RSPRY1: variants seen among roughly 807,000 people sequenced by gnomAD.
RSPRY1 encodes the protein RING finger and SPRY domain-containing protein 1.
Under a neutral mutation model 73.1 loss-of-function variants are expected in RSPRY1, and 23 were observed. The ratio of observed to expected loss-of-function variants is 0.31; its 90% CI spans 0.23 to 0.45. The LOEUF is 0.45. Ranked by LOEUF, RSPRY1 falls within the 20% of genes least tolerant of loss-of-function variation. The pLI is 1.00. For synonymous variants in RSPRY1, 226 were observed against 251.4 expected (o/e 0.90, Z 0.95); for missense variants, 448 against 698.7 (o/e 0.64, Z 4.05).
intron 4 of RSPRY1, among the ~76,000 whole-genome samples, chr16:57,211,849 G>C (rs1267341002): frequency 6.6e-6 from 1 of 151,944 alleles, no homozygotes; most frequent in African/African-American, 2.4e-5. Flanking sequence ...AAAGTGCTGG[G>C]ATTACAGGCA....
rs931573069 is a variant in RSPRY1, at chr16:57,204,435, T to C, written c.-155-69T>C. 1.0e-5 allele frequency: 5 copies of C among 498,620 alleles called. No homozygotes were observed. In the Admixed American group the frequency reaches 1.7e-4, roughly 17 times the overall value. The allele number at this position is 498,620 out of a possible 1,614,324, so 30.9% of individuals were successfully genotyped here. Reference sequence around the variant, plus strand: ...AATCCTAATATCTATAAAATCAGACTAGGAAAATTTGAGTAATTAAGTGGT... The same window carrying C: ...AATCCTAATATCTATAAAATCAGACCAGGAAAATTTGAGTAATTAAGTGGT... On this transcript the variant is annotated intron_variant, in intron 1 of 14. Transcript: ENST00000394420.
At position 57,235,530 on chromosome 16, in the gene RSPRY1, T is replaced by C. The variant is rs1193681967; in HGVS notation, c.1634+302T>C. 2.0e-5 allele frequency among the ~76,000 whole-genome samples: 3 copies of C among 152,236 alleles called. No homozygotes were observed. In the East Asian group the frequency reaches 5.8e-4, roughly 29 times the overall value. On this transcript the variant is annotated intron_variant, in intron 14 of 14. Coordinates refer to ENST00000394420, the MANE Select transcript of RSPRY1 (RefSeq NM_133368.3). Reference sequence around the variant, plus strand: ...TTAGAGCTTCCTCATTTACTTCTTATTTACAGTCAACCATTGAGAAGTTAG... The same window carrying C: ...TTAGAGCTTCCTCATTTACTTCTTACTTACAGTCAACCATTGAGAAGTTAG...
At chr16:57,203,608 A>G (rs2074667544) in intron 1 of RSPRY1, among the ~76,000 whole-genome samples, 1 of 152,116 alleles carries the variant, frequency 6.6e-6, no homozygotes, top group Non-Finnish European at 1.5e-5. Flanking sequence ...CTTCTTGAAG[A>G]GCTGGTTCTT....
Position 57,221,264 on chromosome 16 carries a change from T to C in RSPRY1, c.1018-8T>C, listed in dbSNP as rs766428851. 4 of 1,613,262 alleles carry C rather than the reference T, an allele frequency of 2.5e-6. No homozygotes were observed. The Admixed American group carries it at 6.7e-5, about 27-fold the overall frequency. ...ATAGTTGATTGACACATTTTTTGGTTTTGCCAGGCTCGCTGTGATGCCTCC... is the reference window on the plus strand; with the variant it reads ...ATAGTTGATTGACACATTTTTTGGTCTTGCCAGGCTCGCTGTGATGCCTCC... On this transcript the variant is annotated splice_polypyrimidine_tract_variant and splice_region_variant and intron_variant, in intron 9 of 14. Coordinates refer to ENST00000394420, the MANE Select transcript of RSPRY1 (RefSeq NM_133368.3).
At chr16:57,230,080 G>A (rs774742765) in intron 11 of RSPRY1, among the ~76,000 whole-genome samples, 76 of 135,800 alleles carry the variant, frequency 5.6e-4, no homozygotes, top group Non-Finnish European at 9.3e-4. Context: ...GCATGATGTC[G>A]TCTCACTGCA....
chr16:57,213,691 C>T (rs2074887934), intron 5 of RSPRY1, among the ~76,000 whole-genome samples, 197 bp from the exon 6 acceptor site: 1 of 152,220 alleles, frequency 6.6e-6, no homozygotes, highest in Non-Finnish European at 1.5e-5. Flanking sequence ...GCCAAGTGCC[C>T]TGGAGTTAGT....
chr16:57,226,806 T>G lies in RSPRY1; in HGVS notation c.1162-536T>G, dbSNP rs181852674. 1.6e-4 allele frequency among the ~76,000 whole-genome samples: 25 copies of G among 152,228 alleles called. No individual in the cohort carries two copies. The East Asian group carries it at 4.1e-3, about 25-fold the overall frequency. ...ATCCTGTGACTAAGAATGCCTAACC[T>G]CTTGGGAATGCAGCTGAGCAGCCCA... On this transcript the variant is annotated intron_variant, in intron 10 of 14. Transcript: ENST00000394420.
At chr16:57,226,967 G>T (rs2075130239) in intron 10 of RSPRY1, among the ~76,000 whole-genome samples, 1 of 152,150 alleles carries the variant, frequency 6.6e-6, no homozygotes, top group South Asian at 2.1e-4. Flanking sequence ...TTCAAACCTG[G>T]CTCTGTTTCT....
chr16:57,205,092 T>C lies in RSPRY1; in HGVS notation c.350+84T>C, dbSNP rs2074700194. On this transcript the variant is annotated intron_variant, in intron 2 of 14. Coordinates refer to ENST00000394420, the MANE Select transcript of RSPRY1 (RefSeq NM_133368.3). The stretch of plus-strand genomic sequence containing the variant: ...TGACTTTAGGACTCCTTCAGTTCCT[T>C]TAGGACATACTCGCCAAGCCTTGTG... 47 of 1,004,316 alleles carry C rather than the reference T, an allele frequency of 4.7e-5. No homozygotes were observed. The South Asian group carries it at 7.0e-4, about 15-fold the overall frequency. The allele number at this position is 1,004,316 out of a possible 1,614,324, so 62.2% of individuals were successfully genotyped here.
Position 57,239,063 on chromosome 16 carries a change from T to G in RSPRY1, c.*88T>G. On this transcript the variant is annotated 3_prime_UTR_variant, in exon 15 of 15. Coordinates refer to ENST00000394420, the MANE Select transcript of RSPRY1 (RefSeq NM_133368.3). ...AGAAAAAAAAAACTCTCTAATCAGTTGTACACACATTGAAACTTATAGCCA... is the reference window on the plus strand; with the variant it reads ...AGAAAAAAAAAACTCTCTAATCAGTGGTACACACATTGAAACTTATAGCCA... 1.8e-6 allele frequency: 1 copy of G among 568,220 alleles called. No individual in the cohort carries two copies. The highest frequency in any genetic ancestry group is 3.2e-5 in the East Asian group (1 of 31,386). The allele number at this position is 568,220 out of a possible 1,614,324, so 35.2% of individuals were successfully genotyped here.
intron 2 of RSPRY1, chr16:57,205,302 T>C (rs1367047304): frequency 3.0e-6 from 1 of 329,438 alleles, no homozygotes; most frequent in Non-Finnish European, 5.8e-6. Flanking sequence ...TTTATGTTGC[T>C]AGCTACAATA....
rs747733488 is a variant in RSPRY1, at chr16:57,191,268, CTGTT to C, written c.-156+4827_-156+4830del. On this transcript the variant is annotated intron_variant, in intron 1 of 14. Transcript: ENST00000394420. ...GTCCCTCCACATGGGAAATATAGCA[CTGTT>C]TGTTTGTTTTTTTAAGTTTTTATTG... 7.2e-4 allele frequency among the ~76,000 whole-genome samples: 109 copies of C among 152,268 alleles called. 1 individual carries two copies. Among genetic ancestry groups the C allele is most frequent in the Admixed American group, 2.9e-3 (45 of 15,286 alleles).
At chr16:57,200,906 C>A (rs1184917861) in intron 1 of RSPRY1, among the ~76,000 whole-genome samples, 3 of 117,836 alleles carry the variant, frequency 2.5e-5, no homozygotes, top group Non-Finnish European at 1.8e-5. Flanking sequence ...TAGGGGCGGC[C>A]AGGCAGAGGC....
In RSPRY1 at chr16:57,213,879, T is replaced by A; in HGVS notation, c.644-9T>A. 6.3e-7 allele frequency: 1 copy of A among 1,582,094 alleles called. No individual in the cohort carries two copies. The highest frequency in any genetic ancestry group is 1.1e-5 in the South Asian group (1 of 90,330). ...TTAATTATATCAAGTGTTTGTTGTA[T>A]TTGTCTAGGTCCTGCAAGTATAGGT... is the stretch of plus-strand genomic sequence containing the variant. On this transcript the variant is annotated splice_polypyrimidine_tract_variant and intron_variant, in intron 5 of 14. Coordinates refer to ENST00000394420, the MANE Select transcript of RSPRY1 (RefSeq NM_133368.3).
chr16:57,222,610 A>G (rs1195941257), intron 10 of RSPRY1, among the ~76,000 whole-genome samples: 1 of 152,204 alleles, frequency 6.6e-6, no homozygotes, highest in Non-Finnish European at 1.5e-5. Flanking sequence ...TACAATTTCC[A>G]TTTCACAGAT....
chr16:57,221,194 C>T (rs1597908711), intron 9 of RSPRY1, 78 bp from the exon 10 acceptor site: 1 of 1,531,108 alleles, frequency 6.5e-7, no homozygotes, highest in African/African-American at 1.4e-5. Context: ...AAAATACACT[C>T]AACCTTCCCA....
intron 1 of RSPRY1, among the ~76,000 whole-genome samples, chr16:57,189,942 G>A (rs763813042): frequency 6.6e-6 from 1 of 152,106 alleles, no homozygotes; most frequent in Non-Finnish European, 1.5e-5. Flanking sequence ...CCTTAACAAT[G>A]AAGTAATTTG....
chr16:57,198,615 T>C (rs143221323), intron 1 of RSPRY1, among the ~76,000 whole-genome samples: 2 of 152,366 alleles, frequency 1.3e-5, no homozygotes, highest in East Asian at 3.9e-4. Context: ...TTTTGCTTTT[T>C]TTTCCCCCTG....
At chr16:57,228,504 G>A (rs2075156111) in intron 11 of RSPRY1, among the ~76,000 whole-genome samples, 1 of 151,450 alleles carries the variant, frequency 6.6e-6, no homozygotes, top group Non-Finnish European at 1.5e-5. Context: ...ATTTTTTAAA[G>A]GATTATTCGA....
Sources: allele counts gnomAD v4.1 joint callset (sites outside exome capture counted in the v4.1 genomes callset), GRCh38; gene constraint gnomAD v4.1.1; transcripts MANE v1.5; gene names NCBI Gene and HGNC (gene_info 2026-07-23, HGNC 2026-07-21).